The following PID1 variants were observed in gnomAD, a reference collection of about 807,000 sequenced individuals.
PID1 encodes the protein PTB-containing, cubilin and LRP1-interacting protein.
A neutral mutation model predicts 19.1 loss-of-function variants in PID1; 10 were observed. That is an observed-to-expected ratio of 0.52 (90% CI 0.32 to 0.89). The LOEUF is 0.89. Among genes scored for constraint, PID1 ranks in the 40% least tolerant of loss-of-function variants. PID1 has a pLI of 0.03. For missense variants in PID1, 248 were observed against 285.3 expected, an observed-to-expected ratio of 0.87 and a Z score of 0.94; for synonymous variants, 130 against 116.0, an observed-to-expected ratio of 1.12 and a Z score of -0.78.
At chr2:229,261,871 A>G (rs561496761) in intron 1 of PID1, among the ~76,000 whole-genome samples, 2 of 150,430 alleles carry the variant, frequency 1.3e-5, no homozygotes, top group South Asian at 4.2e-4. Flanking sequence ...CTTGCCCAAG[A>G]AAATAAGTAT....
At chr2:229,126,529 T>C (rs1695626715) in intron 2 of PID1, among the ~76,000 whole-genome samples, 1 of 152,180 alleles carries the variant, frequency 6.6e-6, no homozygotes, top group African/African-American at 2.4e-5. Context: ...TCTTCATGCA[T>C]GGTTTAGGAA....
At chr2:229,038,246 C>T (rs72974806) in intron 2 of PID1, among the ~76,000 whole-genome samples, 11,900 of 152,192 alleles carry the variant, frequency 0.078, 629 homozygotes, top group Non-Finnish European at 0.11. Flanking sequence ...CATGAATGTT[C>T]ATAACTTTAT....
Position 229,150,195 on chromosome 2 carries a change from C to G in PID1, c.177+5623G>C, listed in dbSNP as rs747974310. ...AGGTTGCAGTGAGCTGACATCACAC[C>G]ACTGCACTCCAGCCTGGGAAACAGA... On this transcript the variant is annotated intron_variant, in intron 2 of 2. Transcript: ENST00000392055. Among the ~76,000 whole-genome samples, 9 of 148,720 alleles carry G rather than the reference C, an allele frequency of 6.1e-5. No individual in the cohort carries two copies. In the South Asian group the frequency reaches 8.7e-4, roughly 14 times the overall value.
At chr2:229,208,516 A>G (rs1244026188) in intron 1 of PID1, among the ~76,000 whole-genome samples, 1 of 152,224 alleles carries the variant, frequency 6.6e-6, no homozygotes, top group African/African-American at 2.4e-5. Context: ...TTCATGCAAA[A>G]GGCAGCCACA....
intron 2 of PID1, among the ~76,000 whole-genome samples, chr2:229,132,369 A>C (rs1689762044): frequency 6.6e-6 from 1 of 152,170 alleles, no homozygotes; most frequent in Non-Finnish European, 1.5e-5. Flanking sequence ...CGACATTATA[A>C]AACTGCCTTT....
At chr2:229,091,342 T>G (rs1254179603) in intron 2 of PID1, among the ~76,000 whole-genome samples, 1 of 148,448 alleles carries the variant, frequency 6.7e-6, no homozygotes, top group Non-Finnish European at 1.5e-5. Context: ...AAGTAAGAGA[T>G]TCACAAAAAC....
chr2:229,052,626 C>G (rs1274067585), intron 2 of PID1, among the ~76,000 whole-genome samples: 2 of 151,814 alleles, frequency 1.3e-5, no homozygotes, highest in Non-Finnish European at 1.5e-5. Context: ...TTACTTTCTC[C>G]TCCAGAAGCC....
intron 2 of PID1, among the ~76,000 whole-genome samples, chr2:229,089,377 G>A (rs1694827354): frequency 6.6e-6 from 1 of 152,174 alleles, no homozygotes; most frequent in Non-Finnish European, 1.5e-5. Flanking sequence ...TAAGCCCTAT[G>A]AGTTTAATCT....
intron 2 of PID1, among the ~76,000 whole-genome samples, chr2:229,078,018 C>A (rs1425773051): frequency 6.6e-6 from 1 of 152,130 alleles, no homozygotes; most frequent in African/African-American, 2.4e-5. Flanking sequence ...TATCCACAAG[C>A]ATGAAGGAGC....
chr2:229,229,390 C>T (rs966324407), intron 1 of PID1, among the ~76,000 whole-genome samples: 1 of 152,060 alleles, frequency 6.6e-6, no homozygotes, highest in Non-Finnish European at 1.5e-5. Flanking sequence ...TTGCATTGCC[C>T]CCCAAAAATA....
At chr2:229,149,818 G>C (rs1399135385) in intron 2 of PID1, among the ~76,000 whole-genome samples, 1 of 152,182 alleles carries the variant, frequency 6.6e-6, no homozygotes, top group Non-Finnish European at 1.5e-5. Context: ...ACAGGCCTAG[G>C]TGAGGGGCTG....
At chr2:229,056,943 T>C (rs920586232) in intron 2 of PID1, among the ~76,000 whole-genome samples, 5 of 152,314 alleles carry the variant, frequency 3.3e-5, no homozygotes, top group Non-Finnish European at 7.3e-5. Flanking sequence ...CAACAAAGGA[T>C]TGTCGGCTTT....
chr2:229,074,666 G>A (rs1268216228), intron 2 of PID1, among the ~76,000 whole-genome samples: 1 of 152,088 alleles, frequency 6.6e-6, no homozygotes, highest in East Asian at 1.9e-4. Context: ...AATAGTTTAG[G>A]TAGAAATGAG....
At chr2:229,030,080 A>C (rs1339905798) in intron 2 of PID1, among the ~76,000 whole-genome samples, 1 of 152,236 alleles carries the variant, frequency 6.6e-6, no homozygotes, top group Non-Finnish European at 1.5e-5. Context: ...CAGCCTTAAA[A>C]AGGAAGCAAA....
chr2:229,123,495 T>A (rs546678698), intron 2 of PID1, among the ~76,000 whole-genome samples: 90 of 152,370 alleles, frequency 5.9e-4, no homozygotes, highest in Admixed American at 1.2e-3. Flanking sequence ...TTTGTGCATG[T>A]TTTTGCACAG....
chr2:229,055,398 G>C (rs1308959981), intron 2 of PID1, among the ~76,000 whole-genome samples: 1 of 152,094 alleles, frequency 6.6e-6, no homozygotes, highest in Admixed American at 6.5e-5. Flanking sequence ...TGTTTAAAAG[G>C]CTTTTCCTTT....
At chr2:229,231,898 A>G in intron 1 of PID1, 1 of 1,540,472 alleles carries the variant, frequency 6.5e-7, no homozygotes, top group East Asian at 2.5e-5. Context: ...GATAATTTAT[A>G]AAAAAAAACA....
chr2:229,222,639 A>G (rs1202881824), intron 1 of PID1, among the ~76,000 whole-genome samples: 2 of 152,172 alleles, frequency 1.3e-5, no homozygotes, highest in Non-Finnish European at 2.9e-5. Flanking sequence ...CCCAGGGTAC[A>G]CAAGCCTCAC....
At chr2:229,140,771 A>G (rs1055471899) in intron 2 of PID1, among the ~76,000 whole-genome samples, 4 of 152,134 alleles carry the variant, frequency 2.6e-5, no homozygotes, top group Admixed American at 2.6e-4. Context: ...TCTACTTTAT[A>G]TTTGTTTTAA....
Sources: gnomAD v4.1 joint callset for allele counts (sites outside exome capture counted in the v4.1 genomes callset) on GRCh38, gnomAD v4.1.1 for gene constraint, MANE v1.5 for transcripts, NCBI Gene and HGNC (gene_info 2026-07-23, HGNC 2026-07-21) for gene names.